Variants in CFAP90 observed in about 807,000 individuals in gnomAD.
CFAP90 encodes cilia- and flagella-associated protein 90.
the CFAP90 span, chr5:7,830,716 C>G: frequency 6.6e-6 from 1 of 152,128 alleles, no homozygotes; most frequent in Non-Finnish European, 1.5e-5. Context: ...AGTGATGGAG[C>G]GATCAGTATT....
the CFAP90 span, among the ~76,000 whole-genome samples, chr5:7,834,736 C>G: frequency 6.6e-6 from 1 of 152,018 alleles, no homozygotes. Flanking sequence ...GTGTTTTAAT[C>G]CTTTACAATA....
chr5:7,850,876 C>T, the CFAP90 span: 3 of 1,325,314 alleles, frequency 2.3e-6, no homozygotes, highest in African/African-American at 1.5e-5. Context: ...GGTCCTCACC[C>T]GCGCCGGGCG....
the CFAP90 span, among the ~76,000 whole-genome samples, chr5:7,849,403 C>A: frequency 3.3e-5 from 5 of 152,112 alleles, no homozygotes; most frequent in Non-Finnish European, 7.4e-5. Context: ...TCTCCTTCCC[C>A]CTAGACACCT....
the CFAP90 span, among the ~76,000 whole-genome samples, chr5:7,840,985 T>C: frequency 6.6e-6 from 1 of 151,966 alleles, no homozygotes; most frequent in African/African-American, 2.4e-5. Context: ...AAAGCAAAAA[T>C]TGACATATAG....
At chr5:7,850,832 C>T in the CFAP90 span, 1 of 994,312 alleles carries the variant, frequency 1.0e-6, no homozygotes. Flanking sequence ...AGCCGCCCAG[C>T]CGCCCAGCCT....
chr5:7,849,245 T>C, the CFAP90 span, among the ~76,000 whole-genome samples: 1 of 152,058 alleles, frequency 6.6e-6, no homozygotes, highest in Non-Finnish European at 1.5e-5. Context: ...TGTCCAAGAG[T>C]GCTTACACTT....
the CFAP90 span, chr5:7,831,865 G>A: frequency 9.9e-6 from 16 of 1,612,762 alleles, no homozygotes; most frequent in East Asian, 3.3e-4. Flanking sequence ...ATGGAGCAAT[G>A]TGCCCAAAGC....
At chr5:7,850,930 A>C in the CFAP90 span, 2 of 1,357,520 alleles carry the variant, frequency 1.5e-6, no homozygotes, top group Non-Finnish European at 1.9e-6. Flanking sequence ...CCGCGGCGGG[A>C]TGTAGCTGAA....
At chr5:7,832,968 G>T in the CFAP90 span, among the ~76,000 whole-genome samples, 1 of 152,142 alleles carries the variant, frequency 6.6e-6, no homozygotes, top group Non-Finnish European at 1.5e-5. Context: ...AAATGTTCTC[G>T]TGTGTGCAAT....
the CFAP90 span, among the ~76,000 whole-genome samples, chr5:7,839,789 G>T: frequency 6.6e-6 from 1 of 152,084 alleles, no homozygotes. Context: ...TTTTTGTGCA[G>T]ATTTTGCATA....
chr5:7,835,385 T>C, the CFAP90 span: 2 of 1,549,288 alleles, frequency 1.3e-6, no homozygotes, highest in South Asian at 2.3e-5. Flanking sequence ...ATATTACCTC[T>C]TCGTTAACAT....
At chr5:7,832,426 T>G in the CFAP90 span, among the ~76,000 whole-genome samples, 1 of 151,978 alleles carries the variant, frequency 6.6e-6, no homozygotes, top group Non-Finnish European at 1.5e-5. Context: ...CCTCTCACTT[T>G]CCCCATCTTA....
the CFAP90 span, among the ~76,000 whole-genome samples, chr5:7,847,298 G>T: frequency 6.6e-6 from 1 of 152,202 alleles, no homozygotes; most frequent in South Asian, 2.1e-4. Flanking sequence ...CTTTTGCGTG[G>T]TACTAAAGGC....
the CFAP90 span, among the ~76,000 whole-genome samples, chr5:7,844,551 C>T: frequency 6.6e-6 from 1 of 152,010 alleles, no homozygotes; most frequent in African/African-American, 2.4e-5. Context: ...GAGAAAACAA[C>T]AAGATAACTA....
the CFAP90 span, among the ~76,000 whole-genome samples, chr5:7,832,654 G>GTT: frequency 6.6e-6 from 1 of 151,936 alleles, no homozygotes; most frequent in African/African-American, 2.4e-5. Context: ...CGCTCGGCTA[G>GTT]TTTTTGTATT....
the CFAP90 span, among the ~76,000 whole-genome samples, chr5:7,833,352 T>G: frequency 6.8e-6 from 1 of 147,700 alleles, no homozygotes; most frequent in Non-Finnish European, 1.5e-5. Flanking sequence ...GCATGATATA[T>G]ACATGTATTC....
chr5:7,832,033 G>A, the CFAP90 span: 1 of 1,601,576 alleles, frequency 6.2e-7, no homozygotes, highest in Non-Finnish European at 8.6e-7. Flanking sequence ...CCTGTTCCTG[G>A]TGAAAGTTAT....
At chr5:7,832,743 C>A in the CFAP90 span, among the ~76,000 whole-genome samples, 1 of 152,198 alleles carries the variant, frequency 6.6e-6, no homozygotes, top group African/African-American at 2.4e-5. Context: ...CCACCTCGGC[C>A]TCCCAAAGTG....
At chr5:7,832,612 C>T in the CFAP90 span, among the ~76,000 whole-genome samples, 5 of 152,118 alleles carry the variant, frequency 3.3e-5, no homozygotes, top group East Asian at 3.9e-4. Context: ...CTCAGCCTCC[C>T]GAGTAGCTGG....
Sources: gnomAD v4.1 joint callset for allele counts (sites outside exome capture counted in the v4.1 genomes callset) on GRCh38, gnomAD v4.1.1 for gene constraint, MANE v1.5 for transcripts, NCBI Gene and HGNC (gene_info 2026-07-23, HGNC 2026-07-21) for gene names.